The following GADL1 variants were observed in gnomAD, a reference collection of about 807,000 sequenced individuals.
GADL1 encodes GAD like acidic amino acid decarboxylase 1, also known as acidic amino acid decarboxylase GADL1.
A neutral mutation model predicts 69.5 loss-of-function variants in GADL1; 71 were observed. The ratio of observed to expected loss-of-function variants is 1.02; its 90% CI spans 0.84 to 1.25. The LOEUF is 1.25. Among genes scored for constraint, GADL1 ranks in the 50% most tolerant of loss-of-function variants. The pLI is 0.00. For missense variants in GADL1, 737 were observed against 631.8 expected (o/e 1.17, Z -1.79); for synonymous variants, 254 against 214.4 (o/e 1.18, Z -1.62).
At chr3:30,759,500 C>T (rs1696067977) in intron 14 of GADL1, among the ~76,000 whole-genome samples, 1 of 152,174 alleles carries the variant, frequency 6.6e-6, no homozygotes, top group African/African-American at 2.4e-5. Context: ...TTGATATTTC[C>T]CATAGTGCTT....
rs770026594 is a variant in GADL1 at position 30,850,010 on chromosome 3, A to T, written c.637T>A (p.Phe213Ile). Residue 213 changes from phenylalanine (F) to isoleucine (I), a missense_variant, in exon 6 of 15, where the codon TTC (phenylalanine) becomes ATC (isoleucine). Transcript: ENST00000282538. ...ATAATTTTTACCTCTGCAGATGTGA[A>T]AAGGATTAATCTTGGCGAACCAGAC... Reference protein sequence around the residue: ...GLSGSPRLILFTSAECHYSMK... With the variant: ...GLSGSPRLILITSAECHYSMK... 18 of 1,591,866 alleles carry T rather than the reference A, an allele frequency of 1.1e-5. No homozygotes were observed. Among genetic ancestry groups the T allele is most frequent in the Non-Finnish European group, 1.6e-5 (18 of 1,160,166 alleles).
At chr3:30,803,161 A>G (rs1325191182) in intron 11 of GADL1, among the ~76,000 whole-genome samples, 1 of 152,222 alleles carries the variant, frequency 6.6e-6, no homozygotes, top group Admixed American at 6.5e-5. Flanking sequence ...TGAGAGATAC[A>G]GGGAAAGAGC....
intron 1 of GADL1, among the ~76,000 whole-genome samples, chr3:30,872,989 T>C (rs920781496): frequency 4.0e-5 from 6 of 151,780 alleles, no homozygotes; most frequent in Admixed American, 1.3e-4. Context: ...ACAATAAATA[T>C]GCTGTTTTTT....
chr3:30,748,944 C>T (rs1245372804), intron 14 of GADL1, among the ~76,000 whole-genome samples: 1 of 152,154 alleles, frequency 6.6e-6, no homozygotes, highest in South Asian at 2.1e-4. Context: ...TATATGACTG[C>T]CTCTAAACTT....
At chr3:30,889,689 T>C (rs915538158) in intron 1 of GADL1, among the ~76,000 whole-genome samples, 1 of 152,166 alleles carries the variant, frequency 6.6e-6, no homozygotes, top group Non-Finnish European at 1.5e-5. Flanking sequence ...TTATGCAATT[T>C]TGGAATGCTG....
intron 1 of GADL1, among the ~76,000 whole-genome samples, chr3:30,869,435 A>C (rs17026710): frequency 0.014 from 2,148 of 151,954 alleles, 83 homozygotes; most frequent in African/African-American, 0.048. Context: ...TGAGAACAGA[A>C]GCTCTGAAGC....
At chr3:30,881,176 G>A (rs1330209096) in intron 1 of GADL1, among the ~76,000 whole-genome samples, 1 of 151,628 alleles carries the variant, frequency 6.6e-6, no homozygotes, top group Non-Finnish European at 1.5e-5. Flanking sequence ...CCAAATCATG[G>A]GCATAAATTG....
chr3:30,787,246 GATATA>G (rs1346514402), intron 12 of GADL1, among the ~76,000 whole-genome samples: 2 of 152,144 alleles, frequency 1.3e-5, no homozygotes, highest in Non-Finnish European at 1.5e-5. Context: ...TGTAGCCATT[GATATA>G]ATATCTATAA....
chr3:30,840,235 C>T (rs1470247155), intron 8 of GADL1, among the ~76,000 whole-genome samples: 1 of 152,116 alleles, frequency 6.6e-6, no homozygotes, highest in Non-Finnish European at 1.5e-5. Context: ...TGAACCAACT[C>T]TTTCCAATTT....
chr3:30,845,754 G>A (rs1030218451), intron 6 of GADL1, among the ~76,000 whole-genome samples: 3 of 152,076 alleles, frequency 2.0e-5, no homozygotes, highest in African/African-American at 7.2e-5. Flanking sequence ...AGCCTATGCT[G>A]GCTGGCGGTA....
rs148203316 is a variant in GADL1 at position 30,753,198 on chromosome 3, C to G, written c.1393-24783G>C. 5.0e-3 allele frequency among the ~76,000 whole-genome samples: 759 copies of G among 152,242 alleles called. 7 individuals are homozygous for G. The highest frequency in any genetic ancestry group is 0.018 in the African/African-American group (733 of 41,538). ...CACGCTACACAGGCCCCACCCCTGA[C>G]TGCAGGCAAGCAGAAATTCCCTTCA... is the stretch of plus-strand genomic sequence containing the variant. On this transcript the variant is annotated intron_variant, in intron 14 of 14. Coordinates refer to ENST00000282538, the MANE Select transcript of GADL1 (RefSeq NM_207359.3).
intron 1 of GADL1, among the ~76,000 whole-genome samples, chr3:30,880,436 T>C (rs973739330): frequency 3.3e-5 from 5 of 151,840 alleles, no homozygotes; most frequent in Non-Finnish European, 7.4e-5. Context: ...GTTCTCATGA[T>C]AGTGAATAAG....
At chr3:30,762,063 C>T (rs1230202939) in intron 14 of GADL1, among the ~76,000 whole-genome samples, 2 of 152,134 alleles carry the variant, frequency 1.3e-5, no homozygotes, top group African/African-American at 2.4e-5. Flanking sequence ...ATGCAGGAGA[C>T]AGTCTACATC....
intron 11 of GADL1, among the ~76,000 whole-genome samples, chr3:30,826,518 G>A (rs1436596276): frequency 6.6e-6 from 1 of 151,822 alleles, no homozygotes; most frequent in Non-Finnish European, 1.5e-5. Context: ...ACTCATCTAA[G>A]CCAAACTGAC....
intron 1 of GADL1, among the ~76,000 whole-genome samples, chr3:30,865,303 A>T (rs200512537): frequency 0.19 from 13,615 of 71,240 alleles, 747 homozygotes; most frequent in Admixed American, 0.27. Context: ...ATATATATAT[A>T]TATTTTTTAA....
chr3:30,894,560 G>T lies in GADL1; in HGVS notation c.37+18C>A. On this transcript the variant is annotated intron_variant, in intron 1 of 14. Coordinates refer to ENST00000282538, the MANE Select transcript of GADL1 (RefSeq NM_207359.3). ...GGGGAGGTTAAGGACAAAAACCGCA[G>T]CCGCGCTGAGTCGTTACCGTCCACA... The T allele has an allele frequency of 1.3e-6, 2 of 1,546,912 alleles. No homozygotes were observed. The highest frequency in any genetic ancestry group is 1.2e-5 in the South Asian group (1 of 83,454).
intron 4 of GADL1, among the ~76,000 whole-genome samples, 196 bp from the exon 5 acceptor site, chr3:30,851,137 T>C (rs1698140358): frequency 6.6e-6 from 1 of 152,154 alleles, no homozygotes. Flanking sequence ...TGCCAATAGC[T>C]TGTGGCCTCA....
At chr3:30,752,181 G>GTTTA (rs10634413) in intron 14 of GADL1, among the ~76,000 whole-genome samples, 27,298 of 152,058 alleles carry the variant, frequency 0.18, 3,573 homozygotes, top group African/African-American at 0.35. Flanking sequence ...ATGTAGTGCT[G>GTTTA]TTAAGTTCTC....
intron 14 of GADL1, among the ~76,000 whole-genome samples, chr3:30,765,718 G>A (rs1696261117): frequency 2.6e-5 from 4 of 152,144 alleles, no homozygotes; most frequent in Admixed American, 2.6e-4. Flanking sequence ...AGGCTTGGAA[G>A]GGTTGAAACT....
Sources: gnomAD v4.1 joint callset for allele counts (sites outside exome capture counted in the v4.1 genomes callset) on GRCh38, gnomAD v4.1.1 for gene constraint, MANE v1.5 for transcripts, NCBI Gene and HGNC (gene_info 2026-07-23, HGNC 2026-07-21) for gene names.